NRXN3: variants seen among roughly 807,000 people sequenced by gnomAD.
The protein encoded by NRXN3 is neurexin 3, also known as neurexin III.
In NRXN3, 32 loss-of-function variants were observed where a neutral mutation model predicts 137.6. The observed-to-expected ratio is 0.23, with a 90% confidence interval of 0.18 to 0.31. NRXN3 has a LOEUF of 0.31. Ranked by LOEUF, NRXN3 falls within the 10% of genes least tolerant of loss-of-function variation. NRXN3 has a pLI of 1.00. For missense variants in NRXN3, 1,574 were observed against 2,062.5 expected, an observed-to-expected ratio of 0.76 and a Z score of 4.59; for synonymous variants, 798 against 784.5, an observed-to-expected ratio of 1.02 and a Z score of -0.29.
In NRXN3 at chr14:78,615,397, G is replaced by A. The variant is rs192177669; in HGVS notation, c.758-29723G>A. Among the ~76,000 whole-genome samples the A allele has an allele frequency of 2.6e-3, 367 of 141,296 alleles. 2 individuals are homozygous for A. Among genetic ancestry groups the A allele is most frequent in the African/African-American group, 9.3e-3 (345 of 37,128 alleles). 92.7% of individuals were successfully genotyped at this position (141,296 alleles called of 152,430 possible). The stretch of plus-strand genomic sequence containing the variant: ...GGGTGGATCACGAGTTCAGGAGATC[G>A]AAACCATCCTAGCTAACACGGTGAA... On this transcript the variant is annotated intron_variant, in intron 4 of 20. Coordinates refer to ENST00000335750, the MANE Select transcript of NRXN3 (RefSeq NM_001330195.2).
chr14:78,810,750 G>C (rs1217872191), intron 10 of NRXN3, among the ~76,000 whole-genome samples: 1 of 152,188 alleles, frequency 6.6e-6, no homozygotes, highest in African/African-American at 2.4e-5. Flanking sequence ...TAAAAGCACT[G>C]TTCTTGACCC....
chr14:78,789,569 A>G (rs1030911782), intron 8 of NRXN3, among the ~76,000 whole-genome samples: 1 of 152,110 alleles, frequency 6.6e-6, no homozygotes, highest in African/African-American at 2.4e-5. Context: ...TTCCTCCTGA[A>G]CCTTGAATTT....
chr14:79,611,550 A>C (rs1265344043), intron 16 of NRXN3: 1 of 152,368 alleles, frequency 6.6e-6, no homozygotes, highest in East Asian at 1.9e-4. Context: ...CAGTGAGCTG[A>C]GATCATGCCA....
chr14:79,420,676 A>G (rs1464930365), intron 15 of NRXN3, among the ~76,000 whole-genome samples: 1 of 152,200 alleles, frequency 6.6e-6, no homozygotes, highest in Non-Finnish European at 1.5e-5. Flanking sequence ...ATGGTGGCAA[A>G]AGCTAATACA....
chr14:79,306,568 A>G (rs1397532981), intron 15 of NRXN3, among the ~76,000 whole-genome samples: 3 of 152,122 alleles, frequency 2.0e-5, no homozygotes, highest in Admixed American at 6.6e-5. Flanking sequence ...GTTTTTAATG[A>G]CTACTCATTA....
chr14:79,303,932 G>T (rs879903730), intron 15 of NRXN3, among the ~76,000 whole-genome samples: 2 of 152,040 alleles, frequency 1.3e-5, no homozygotes, highest in Non-Finnish European at 2.9e-5. Context: ...AATGGTGGTG[G>T]TAATAATAGC....
In NRXN3 at chr14:78,896,556, G is replaced by A. The variant is rs73323317; in HGVS notation, c.2276-60686G>A. 7.9e-3 allele frequency among the ~76,000 whole-genome samples: 1,199 copies of A among 151,920 alleles called. 25 individuals are homozygous for A. The highest frequency in any genetic ancestry group is 0.027 in the African/African-American group (1,134 of 41,474). On this transcript the variant is annotated intron_variant, in intron 10 of 20. Transcript: ENST00000335750. ...AAGGAAAATGGAGATCTGATTACTA[G>A]CTTCCAGAGATTGGTTGAGAATTGA...
chr14:79,592,587 C>T (rs8017528), intron 16 of NRXN3, among the ~76,000 whole-genome samples: 1 of 134,130 alleles, frequency 7.5e-6, no homozygotes, highest in African/African-American at 3.1e-5. Context: ...TCAATTTCTA[C>T]TGATAGTTAA....
At chr14:78,598,297 A>G (rs1162474071) in intron 4 of NRXN3, among the ~76,000 whole-genome samples, 2 of 151,852 alleles carry the variant, frequency 1.3e-5, no homozygotes, top group African/African-American at 4.8e-5. Flanking sequence ...CACGTGAGCA[A>G]GGGTTCCTGG....
chr14:78,340,109 C>T (rs990018684), intron 4 of NRXN3, among the ~76,000 whole-genome samples: 2 of 152,156 alleles, frequency 1.3e-5, no homozygotes, highest in African/African-American at 4.8e-5. Flanking sequence ...GGGAGAGAAT[C>T]ATGCCTTGGA....
intron 19 of NRXN3, among the ~76,000 whole-genome samples, chr14:79,724,971 G>A (rs745941183): frequency 3.2e-4 from 48 of 152,240 alleles, no homozygotes; most frequent in Non-Finnish European, 5.3e-4. Context: ...CCAGTCTTGA[G>A]GTGATCAAAT....
intron 4 of NRXN3, among the ~76,000 whole-genome samples, chr14:78,365,880 C>T (rs553360840): frequency 2.8e-4 from 42 of 152,184 alleles, no homozygotes; most frequent in African/African-American, 9.4e-4. Context: ...TGAGAGGGTA[C>T]CCCGAATGAA....
At chr14:78,544,103 A>G (rs1451954719) in intron 4 of NRXN3, among the ~76,000 whole-genome samples, 1 of 152,196 alleles carries the variant, frequency 6.6e-6, no homozygotes, top group African/African-American at 2.4e-5. Context: ...AGGTTCCCAC[A>G]GGCTTCCTGC....
At chr14:79,275,971 CTTCTT>C (rs1196796933) in intron 15 of NRXN3, among the ~76,000 whole-genome samples, 3 of 152,080 alleles carry the variant, frequency 2.0e-5, no homozygotes, top group Admixed American at 1.3e-4. Flanking sequence ...ATCTATTTCT[CTTCTT>C]TTCTATCTTA....
At chr14:79,100,191 T>C (rs2051016831) in intron 15 of NRXN3, among the ~76,000 whole-genome samples, 1 of 152,218 alleles carries the variant, frequency 6.6e-6, no homozygotes, top group Non-Finnish European at 1.5e-5. Context: ...TTCATTGAAA[T>C]AGACCTCTGA....
chr14:79,114,875 G>A (rs1349759474), intron 15 of NRXN3, among the ~76,000 whole-genome samples: 5 of 151,852 alleles, frequency 3.3e-5, no homozygotes, highest in Admixed American at 1.3e-4. Context: ...CTCTCTTGTC[G>A]ACCTCAGACA....
At chr14:79,212,948 T>C (rs1436347205) in intron 15 of NRXN3, among the ~76,000 whole-genome samples, 3 of 152,142 alleles carry the variant, frequency 2.0e-5, no homozygotes, top group Admixed American at 6.5e-5. Context: ...ATTACTTTCA[T>C]TGCATTTTTG....
chr14:79,209,230 G>A (rs923710486), intron 15 of NRXN3, among the ~76,000 whole-genome samples: 8 of 151,934 alleles, frequency 5.3e-5, no homozygotes, highest in Middle Eastern at 3.2e-3. Context: ...GAGCCACTGC[G>A]CCCGGTGTGA....
intron 10 of NRXN3, among the ~76,000 whole-genome samples, chr14:78,878,440 A>G (rs1159632829): frequency 6.6e-6 from 1 of 152,182 alleles, no homozygotes; most frequent in Non-Finnish European, 1.5e-5. Context: ...AGCCAATGTG[A>G]TGCAAAATGA....
Sources: allele counts gnomAD v4.1 joint callset (sites outside exome capture counted in the v4.1 genomes callset), GRCh38; gene constraint gnomAD v4.1.1; transcripts MANE v1.5; gene names NCBI Gene and HGNC (gene_info 2026-07-23, HGNC 2026-07-21).